The following LINGO1 variants were observed in gnomAD, a reference collection of about 807,000 sequenced individuals.
The protein encoded by LINGO1 is leucine-rich repeat and immunoglobulin-like domain-containing nogo receptor-interacting protein 1.
A neutral mutation model predicts 37.3 loss-of-function variants in LINGO1; 11 were observed. The observed-to-expected ratio is 0.29, with a 90% CI of 0.19 to 0.49. LINGO1 has a LOEUF of 0.49. Ranked by LOEUF, LINGO1 falls within the 20% of genes least tolerant of loss-of-function variation. The probability of loss-of-function intolerance (pLI) is 0.99; values close to 1 mark genes in which losing one functional copy is unlikely to be tolerated. For synonymous variants in LINGO1, 387 were observed against 403.0 expected (o/e 0.96, Z 0.48); for missense variants, 585 against 878.2 (o/e 0.67, Z 4.22).
At chr15:77,621,919 G>A (rs1422641332) in intron 1 of LINGO1, among the ~76,000 whole-genome samples, 1 of 152,222 alleles carries the variant, frequency 6.6e-6, no homozygotes, top group Non-Finnish European at 1.5e-5. Flanking sequence ...TGCACACACA[G>A]GCATGCGATC....
chr15:77,753,713 G>A (rs1208009888), intron 1 of LINGO1, among the ~76,000 whole-genome samples: 1 of 152,200 alleles, frequency 6.6e-6, no homozygotes, highest in Non-Finnish European at 1.5e-5. Flanking sequence ...TTGAGAACAC[G>A]GTCTGAGGGA....
intron 1 of LINGO1, among the ~76,000 whole-genome samples, chr15:77,782,432 T>C (rs1041068914): frequency 5.3e-5 from 8 of 152,088 alleles, no homozygotes; most frequent in Non-Finnish European, 8.8e-5. Context: ...ATCTGAAAAA[T>C]GGGCTGGCAA....
intron 1 of LINGO1, among the ~76,000 whole-genome samples, chr15:77,797,120 T>C (rs1293067662): frequency 1.3e-5 from 2 of 152,210 alleles, no homozygotes; most frequent in African/African-American, 4.8e-5. Flanking sequence ...CTCTGAGGCG[T>C]CCATGGTGCA....
At chr15:77,661,604 G>C (rs1418246635) in intron 3 of LINGO1, among the ~76,000 whole-genome samples, 1 of 152,244 alleles carries the variant, frequency 6.6e-6, no homozygotes, top group Non-Finnish European at 1.5e-5. Flanking sequence ...TCCCTGAGAG[G>C]GCAGAAGGCA....
upstream of LINGO1, among the ~76,000 whole-genome samples, chr15:77,635,902 G>A (rs151067919): frequency 1.2e-3 from 182 of 152,372 alleles, no homozygotes; most frequent in African/African-American, 4.2e-3. Context: ...TGGCTGGAAG[G>A]AGCCAGCCTG....
chr15:77,771,000 C>A (rs1369964016), intron 1 of LINGO1, among the ~76,000 whole-genome samples: 1 of 152,216 alleles, frequency 6.6e-6, no homozygotes, highest in Non-Finnish European at 1.5e-5. Context: ...CTGAACCCCA[C>A]CTCTGACACA....
At chr15:77,658,103 C>T (rs1446092849) in intron 3 of LINGO1, among the ~76,000 whole-genome samples, 1 of 152,182 alleles carries the variant, frequency 6.6e-6, no homozygotes, top group East Asian at 1.9e-4. Context: ...AAATGGCCCT[C>T]AGGTGACGGC....
chr15:77,635,362 C>T (rs1210005268), upstream of LINGO1, among the ~76,000 whole-genome samples: 2 of 152,060 alleles, frequency 1.3e-5, no homozygotes, highest in Non-Finnish European at 2.9e-5. Flanking sequence ...GGTGAGAGTA[C>T]GGGTCCCTGG....
chr15:77,818,932 G>A (rs527646951), intron 1 of LINGO1, among the ~76,000 whole-genome samples: 3 of 151,626 alleles, frequency 2.0e-5, no homozygotes, highest in South Asian at 2.1e-4. Context: ...GGAAAGGAAG[G>A]CCGGAGTTGC....
chr15:77,637,644 A>G (rs2141098658), upstream of LINGO1, among the ~76,000 whole-genome samples: 1 of 152,212 alleles, frequency 6.6e-6, no homozygotes, highest in South Asian at 2.1e-4. The surrounding 1 kb of genome is among the most constrained non-coding windows in gnomAD (Gnocchi z 4.6). Context: ...TTTTTAGGTG[A>G]TCATACTGAC....
At chr15:77,669,060 A>G (rs1596080598) in intron 3 of LINGO1, among the ~76,000 whole-genome samples, 1 of 152,238 alleles carries the variant, frequency 6.6e-6, no homozygotes, top group Non-Finnish European at 1.5e-5. Context: ...GCCGCTGTGC[A>G]TGTCAGGGTA....
At chr15:77,664,170 T>TGTGCGTGCGCGCGC in intron 3 of LINGO1, among the ~76,000 whole-genome samples, 9 of 131,010 alleles carry the variant, frequency 6.9e-5, no homozygotes, top group African/African-American at 2.6e-4. Context: ...TGTGTGTGTG[T>TGTGCGTGCGCGCGC]GCGCGCGCGC....
At chr15:77,753,613 G>A (rs934596027) in intron 1 of LINGO1, among the ~76,000 whole-genome samples, 1 of 152,232 alleles carries the variant, frequency 6.6e-6, no homozygotes, top group African/African-American at 2.4e-5. Flanking sequence ...GCCAAGGACT[G>A]TCAGCATGGG....
chr15:77,685,794 T>G (rs886455270), intron 2 of LINGO1, among the ~76,000 whole-genome samples: 3 of 152,036 alleles, frequency 2.0e-5, no homozygotes, highest in Non-Finnish European at 4.4e-5. Flanking sequence ...GAGGCTTCCA[T>G]GAGCCATGAT....
chr15:77,685,518 C>T (rs953467804), intron 2 of LINGO1, among the ~76,000 whole-genome samples: 7 of 152,118 alleles, frequency 4.6e-5, no homozygotes, highest in Admixed American at 6.5e-5. Flanking sequence ...CCCTGAAGGC[C>T]TCCCATCCCA....
intron 1 of LINGO1, among the ~76,000 whole-genome samples, chr15:77,766,408 A>G (rs1171349607): frequency 2.6e-5 from 4 of 152,096 alleles, no homozygotes; most frequent in Admixed American, 2.6e-4. Flanking sequence ...TTTCCGCAAA[A>G]AAAACTCAAA....
intron 3 of LINGO1, chr15:77,648,591 G>T (rs2074689244): frequency 6.6e-6 from 1 of 152,252 alleles, no homozygotes; most frequent in Non-Finnish European, 1.5e-5. Context: ...GCCTGATCCT[G>T]GCCCCAACCT....
At chr15:77,636,446 C>T (rs576398588), upstream of LINGO1, among the ~76,000 whole-genome samples, 193 of 152,284 alleles carry the variant, frequency 1.3e-3, 2 homozygotes, top group Non-Finnish European at 2.3e-3. Flanking sequence ...GCAAGAAAAA[C>T]GGAGACCAGG....
intron 3 of LINGO1, among the ~76,000 whole-genome samples, chr15:77,664,174 C>CGCGCGCGCGCGCGCGCGCGT (rs1555527601): frequency 2.0e-4 from 20 of 100,380 alleles, no homozygotes; most frequent in African/African-American, 6.3e-4. Context: ...TGTGTGTGCG[C>CGCGCGCGCGCGCGCGCGCGT]GCGCGCATGC....
Sources: allele counts gnomAD v4.1 joint callset (sites outside exome capture counted in the v4.1 genomes callset), GRCh38; gene constraint gnomAD v4.1.1; non-coding constraint Gnocchi (gnomAD v3.1); transcripts MANE v1.5; gene names NCBI Gene and HGNC (gene_info 2026-07-23, HGNC 2026-07-21).